Variants in HIGD1C observed in about 807,000 individuals in gnomAD.
HIGD1C encodes the protein HIG1 hypoxia inducible domain family member 1C.
A neutral mutation model predicts 13.1 loss-of-function variants in HIGD1C; 11 were observed. That is an observed-to-expected ratio of 0.84 (90% confidence interval 0.53 to 1.39). The LOEUF (loss-of-function observed/expected upper bound fraction) is 1.39. HIGD1C is among the 40% of genes most tolerant of loss of function. The pLI, the probability that HIGD1C is intolerant of heterozygous loss-of-function variation, is 0.00. For synonymous variants in HIGD1C, 36 were observed against 37.7 expected (o/e 0.95, Z 0.17); for missense variants, 110 against 112.0 (o/e 0.98, Z 0.08).
the HIGD1C span, among the ~76,000 whole-genome samples, chr12:50,940,761 T>G: frequency 2.0e-5 from 3 of 151,430 alleles, no homozygotes; most frequent in Non-Finnish European, 4.4e-5. Context: ...AATAAACAGA[T>G]GTACATCTAT....
At chr12:50,955,731 A>C (rs926157699) in intron 1 of HIGD1C, among the ~76,000 whole-genome samples, 2 of 152,246 alleles carry the variant, frequency 1.3e-5, no homozygotes, top group Admixed American at 1.3e-4. Context: ...AAATGGAAGC[A>C]AATAATTTAA....
chr12:50,942,738 C>A, the HIGD1C span, among the ~76,000 whole-genome samples: 1 of 152,058 alleles, frequency 6.6e-6, no homozygotes, highest in East Asian at 1.9e-4. Context: ...GTGGCATGCA[C>A]CTGTGGTCCC....
the HIGD1C span, among the ~76,000 whole-genome samples, chr12:50,937,908 G>A: frequency 1.3e-5 from 2 of 152,108 alleles, no homozygotes; most frequent in African/African-American, 4.8e-5. Flanking sequence ...ATGCTGATGG[G>A]TCCATGGGCA....
chr12:50,959,036 A>G (rs978093054), intron 1 of HIGD1C, among the ~76,000 whole-genome samples: 6 of 152,058 alleles, frequency 3.9e-5, no homozygotes, highest in African/African-American at 1.4e-4. Flanking sequence ...ACAAACAAAA[A>G]AAAGATGCAC....
At chr12:50,942,860 C>G in the HIGD1C span, among the ~76,000 whole-genome samples, 1 of 135,866 alleles carries the variant, frequency 7.4e-6, no homozygotes, top group Non-Finnish European at 1.6e-5. Flanking sequence ...AATGCAGTTT[C>G]TCTTCTCTTT....
intron 2 of HIGD1C, among the ~76,000 whole-genome samples, chr12:50,965,465 A>T (rs1939506061): frequency 6.6e-6 from 1 of 151,930 alleles, no homozygotes; most frequent in Non-Finnish European, 1.5e-5. Flanking sequence ...TTCCTACTAT[A>T]ATAGCCCTTA....
At chr12:50,969,513 A>G (rs1939676752) in intron 2 of HIGD1C, among the ~76,000 whole-genome samples, 1 of 152,036 alleles carries the variant, frequency 6.6e-6, no homozygotes, top group Admixed American at 6.5e-5. Context: ...CGGCCTGGCC[A>G]ACATGGCGAA....
downstream of HIGD1C, among the ~76,000 whole-genome samples, chr12:50,972,265 A>T (rs1233627369): frequency 7.2e-5 from 11 of 152,266 alleles, no homozygotes; most frequent in Non-Finnish European, 1.5e-4. Context: ...AGCTTTTCCT[A>T]CAAAACCCAG....
At chr12:50,936,113 C>T in the HIGD1C span, among the ~76,000 whole-genome samples, 1 of 149,112 alleles carries the variant, frequency 6.7e-6, no homozygotes, top group Non-Finnish European at 1.5e-5. Context: ...GAGCCAAGAT[C>T]ACACCATTGC....
chr12:50,955,764 T>A (rs935988737), intron 1 of HIGD1C, among the ~76,000 whole-genome samples: 1 of 152,170 alleles, frequency 6.6e-6, no homozygotes. Context: ...TTCCTTAGCA[T>A]TTTTAGTTAA....
chr12:50,957,937 GGTGT>G (rs71089717), intron 1 of HIGD1C, among the ~76,000 whole-genome samples: 7,318 of 132,358 alleles, frequency 0.055, 298 homozygotes, highest in East Asian at 0.26. Flanking sequence ...ATGAATTGGA[GGTGT>G]GTGTGTGTGT....
At chr12:50,946,769 G>A in the HIGD1C span, among the ~76,000 whole-genome samples, 1 of 152,166 alleles carries the variant, frequency 6.6e-6, no homozygotes, top group Admixed American at 6.5e-5. Flanking sequence ...CTGCTATAAA[G>A]ACACAGGGAG....
the HIGD1C span, among the ~76,000 whole-genome samples, chr12:50,945,481 T>C: frequency 6.6e-6 from 1 of 152,196 alleles, no homozygotes; most frequent in South Asian, 2.1e-4. Context: ...CCATTCACAA[T>C]TGCTTCAAAG....
chr12:50,941,083 T>C, the HIGD1C span, among the ~76,000 whole-genome samples: 1 of 152,168 alleles, frequency 6.6e-6, no homozygotes, highest in Non-Finnish European at 1.5e-5. Flanking sequence ...CAGGCTGGGC[T>C]TGCACTCCTG....
intron 1 of HIGD1C, among the ~76,000 whole-genome samples, chr12:50,955,003 A>G (rs929483673): frequency 6.7e-6 from 1 of 148,718 alleles, no homozygotes; most frequent in Non-Finnish European, 1.5e-5. Context: ...AAGTGATACT[A>G]TAATTAGGCC....
At chr12:50,954,588 C>T (rs771335441) in intron 1 of HIGD1C, among the ~76,000 whole-genome samples, 5 of 152,072 alleles carry the variant, frequency 3.3e-5, no homozygotes, top group African/African-American at 7.2e-5. Flanking sequence ...AGGCCGGGCA[C>T]GGTGGCTCAT....
At chr12:50,952,755 C>T (rs1358538894), upstream of HIGD1C, among the ~76,000 whole-genome samples, 1 of 152,220 alleles carries the variant, frequency 6.6e-6, no homozygotes, top group Non-Finnish European at 1.5e-5. Flanking sequence ...CCGGAGATTC[C>T]AACTGCAGGG....
the HIGD1C span, among the ~76,000 whole-genome samples, chr12:50,944,169 C>T: frequency 6.6e-6 from 1 of 152,086 alleles, no homozygotes; most frequent in African/African-American, 2.4e-5. Flanking sequence ...TTCTCCTGAC[C>T]TAAGGATGAG....
In HIGD1C at chr12:50,962,525, C is replaced by G. The variant is rs974397654; in HGVS notation, c.229+1423C>G. Among the ~76,000 whole-genome samples the G allele has an allele frequency of 2.0e-5, 3 of 151,812 alleles. No individual in the cohort carries two copies. The East Asian group carries it at 5.8e-4, about 29-fold the overall frequency. ...GACCAGCCTGGCCAACATGGTGAAA[C>G]CCTATCTCTACTAAAAATACAAAAA... On this transcript the variant is annotated intron_variant, in intron 2 of 2. Coordinates refer to ENST00000398455, the Ensembl canonical transcript of HIGD1C.
Sources: allele counts gnomAD v4.1 joint callset (sites outside exome capture counted in the v4.1 genomes callset), GRCh38; gene constraint gnomAD v4.1.1; transcripts MANE v1.5; gene names NCBI Gene and HGNC (gene_info 2026-07-23, HGNC 2026-07-21).